SLC2A8: variants seen among roughly 807,000 people sequenced by gnomAD.
SLC2A8 encodes the protein solute carrier family 2 member 8, also known as solute carrier family 2, facilitated glucose transporter member 8.
Under a neutral mutation model 49.2 loss-of-function variants are expected in SLC2A8, and 53 were observed. The ratio of observed to expected loss-of-function variants is 1.08; its 90% CI spans 0.86 to 1.35. SLC2A8 has a LOEUF of 1.35. Among genes scored for constraint, SLC2A8 ranks in the 40% most tolerant of loss-of-function variants. The pLI, the probability that SLC2A8 is intolerant of heterozygous loss-of-function variation, is 0.00. For synonymous variants in SLC2A8, 299 were observed against 297.0 expected (o/e 1.01, Z -0.07); for missense variants, 688 against 671.7 (o/e 1.02, Z -0.27).
At position 127,397,248 on chromosome 9, in the gene SLC2A8, A is replaced by C. The variant is rs966069923; in HGVS notation, c.18A>C (p.Pro6=). The stretch of plus-strand genomic sequence containing the variant: ...CCGCCGACATGACGCCCGAGGACCC[A>C]GAGGAAACCCAGCCGCTTCTGGGGC... MTPED[P]EETQPLLGPP... Residue 6 remains proline, a synonymous_variant, in exon 1 of 10, where the codon CCA becomes CCC. Transcript: ENST00000373371. The C allele has an allele frequency of 1.6e-5, 23 of 1,440,034 alleles. No individual in the cohort carries two copies. The highest frequency in any genetic ancestry group is 4.1e-4 in the Middle Eastern group (2 of 4,886). 89.2% of individuals were successfully genotyped at this position (1,440,034 alleles called of 1,614,324 possible).
Position 127,398,087 on chromosome 9 carries a change from C to A in SLC2A8, c.402C>A (p.Cys134Ter), listed in dbSNP as rs774589638. The A allele has an allele frequency of 1.9e-6, 3 of 1,583,608 alleles. No homozygotes were observed. The South Asian group carries it at 3.4e-5, about 18-fold the overall frequency. Residue 134 changes from cysteine (C) to a stop codon, truncating the protein, a stop_gained, in exon 3 of 10, where the codon TGC becomes TGA. Transcript: ENST00000373371. LOFTEE classifies it high-confidence loss of function. ...LGGRLLTGLACGVASLVAPVY... is the reference protein window; with the variant it reads ...LGGRLLTGLA ...GCCGCCTCCTCACCGGCCTGGCCTGCGGTGTTGCCTCCCTAGTGGCCCCGG... is the reference window on the plus strand; with the variant it reads ...GCCGCCTCCTCACCGGCCTGGCCTGAGGTGTTGCCTCCCTAGTGGCCCCGG...
chr9:127,402,697 C>T lies in SLC2A8; in HGVS notation c.667C>T (p.Arg223Trp), dbSNP rs571624823. Residue 223 changes from arginine to tryptophan, a missense_variant, in exon 5 of 10, where the codon CGG becomes TGG. Transcript: ENST00000373371. ...HRRQEAMAAL[R>W]FLWGSEQGWE... is the part of the protein sequence containing the mutation. ...GCGCCAGGAGGCCATGGCCGCCCTG[C>T]GGTTCCTGTGGGGCTCCGAGCAGGG... The T allele has an allele frequency of 2.1e-5, 33 of 1,565,268 alleles. No individual in the cohort carries two copies. The highest frequency in any genetic ancestry group is 5.9e-5 in the South Asian group (5 of 85,268).
chr9:127,398,193 G>C lies in SLC2A8; in HGVS notation c.426+82G>C. 2.1e-6 allele frequency: 3 copies of C among 1,444,988 alleles called. No homozygotes were observed. The South Asian group carries it at 3.6e-5, about 17-fold the overall frequency. The allele number at this position is 1,444,988 out of a possible 1,614,324, so 89.5% of individuals were successfully genotyped here. On this transcript the variant is annotated intron_variant, in intron 3 of 9. Transcript: ENST00000373371. ...GGACAAACCGCTCCCCAGGCCTGGGGGCGCGGCTCCCCCTGGCGGGACCTT... is the reference window on the plus strand; with the variant it reads ...GGACAAACCGCTCCCCAGGCCTGGGCGCGCGGCTCCCCCTGGCGGGACCTT...
At chr9:127,400,205 G>A (rs913840896) in intron 4 of SLC2A8, among the ~76,000 whole-genome samples, 199 bp downstream of exon 4, 4 of 137,836 alleles carry the variant, frequency 2.9e-5, no homozygotes, top group Non-Finnish European at 4.6e-5. Context: ...CCGCTCTGTC[G>A]CCCAGGCTGG....
Position 127,397,272 on chromosome 9 carries a change from G to C in SLC2A8, c.42G>C (p.Gly14=). 7.1e-7 allele frequency: 1 copy of C among 1,399,778 alleles called. No homozygotes were observed. The highest frequency in any genetic ancestry group is 9.2e-7 in the Non-Finnish European group (1 of 1,087,534). 86.7% of individuals were successfully genotyped at this position (1,399,778 alleles called of 1,614,324 possible). The change falls in exon 1 of 10, where the codon GGG becomes GGC. Residue 14 remains glycine, a synonymous_variant. Transcript: ENST00000373371. ...CAGAGGAAACCCAGCCGCTTCTGGGGCCTCCTGGCGGCAGGTGAGCTCCGG... is the reference window on the plus strand; with the variant it reads ...CAGAGGAAACCCAGCCGCTTCTGGGCCCTCCTGGCGGCAGGTGAGCTCCGG... ...EDPEETQPLL[G]PPGGSAPRGR...
At chr9:127,403,579 C>G in intron 5 of SLC2A8, 81 bp from the exon 6 acceptor site, 1 of 1,571,336 alleles carries the variant, frequency 6.4e-7, no homozygotes, top group Non-Finnish European at 8.7e-7. Context: ...CTCCCCAAGC[C>G]TTAGGACAGT....
At position 127,398,015 on chromosome 9, in the gene SLC2A8, C is replaced by T. The variant is rs757943715; in HGVS notation, c.330C>T (p.Gly110=). ...LLLCSVPFVA[G]FAVITAAQDV... ...TGTGCTCCGTGCCCTTCGTGGCCGG[C>T]TTTGCCGTCATCACCGCGGCCCAGG... The change falls in exon 3 of 10, where the codon GGC becomes GGT. Residue 110 remains glycine, a synonymous_variant. Transcript: ENST00000373371. The T allele has an allele frequency of 1.3e-6, 2 of 1,572,796 alleles. No individual in the cohort carries two copies. Among genetic ancestry groups the T allele is most frequent in the Non-Finnish European group, 1.7e-6 (2 of 1,166,498 alleles).
In SLC2A8 at chr9:127,407,784, T is replaced by A. The variant is rs1397836216; in HGVS notation, c.*535T>A. ...GGTCAGCCAAGCTTACCCTTCACACTGAGAAGTCATTTCTGGCTACTTCCT... is the reference window on the plus strand; with the variant it reads ...GGTCAGCCAAGCTTACCCTTCACACAGAGAAGTCATTTCTGGCTACTTCCT... On this transcript the variant is annotated 3_prime_UTR_variant, in exon 10 of 10. Coordinates refer to ENST00000373371, the MANE Select transcript of SLC2A8 (RefSeq NM_014580.5). The A allele has an allele frequency of 6.2e-6, 1 of 160,032 alleles. No individual in the cohort carries two copies. Among genetic ancestry groups the A allele is most frequent in the African/African-American group, 2.4e-5 (1 of 41,512 alleles). 9.9% of individuals were successfully genotyped at this position (160,032 alleles called of 1,614,324 possible). A position where few individuals can be genotyped will look rare whatever the true frequency, so the allele number is the denominator to read the frequency against.
intron 3 of SLC2A8, among the ~76,000 whole-genome samples, chr9:127,398,652 A>G (rs938937669): frequency 2.0e-5 from 3 of 151,942 alleles, no homozygotes; most frequent in Non-Finnish European, 2.9e-5. Context: ...CCCACTTGGG[A>G]GCCCCGAACA....
At chr9:127,407,087 C>A in intron 9 of SLC2A8, 25 bp from the exon 10 acceptor site, 1 of 1,611,912 alleles carries the variant, frequency 6.2e-7, no homozygotes, top group Non-Finnish European at 8.5e-7. Flanking sequence ...CCCGCGTCCA[C>A]CCATGGCCTT....
intron 9 of SLC2A8, among the ~76,000 whole-genome samples, 170 bp downstream of exon 9, chr9:127,405,735 A>G (rs530988496): frequency 3.3e-5 from 5 of 152,336 alleles, no homozygotes; most frequent in Admixed American, 3.3e-4. Context: ...CAGATGGGCT[A>G]GGCCAGATGG....
At chr9:127,398,740 G>A (rs1379186854) in intron 3 of SLC2A8, among the ~76,000 whole-genome samples, 1 of 152,232 alleles carries the variant, frequency 6.6e-6, no homozygotes, top group Non-Finnish European at 1.5e-5. Flanking sequence ...CTGGAAAACA[G>A]GGATTATGGC....
At position 127,402,600 on chromosome 9, in the gene SLC2A8, G is replaced by T; in HGVS notation, c.570G>T (p.Val190=). ...EWRWLAVLGC[V]PPSLMLLLMC... ...GCTGGCTGGCTGTGCTGGGCTGCGT[G>T]CCCCCCTCCCTCATGCTGCTTCTCA... The change falls in exon 5 of 10, where the codon GTG becomes GTT. Residue 190 remains valine, a synonymous_variant. Transcript: ENST00000373371. 6.3e-7 allele frequency: 1 copy of T among 1,593,340 alleles called. No homozygotes were observed. Among genetic ancestry groups the T allele is most frequent in the Non-Finnish European group, 8.5e-7 (1 of 1,173,002 alleles).
At chr9:127,405,141 C>T (rs1411128398) in intron 8 of SLC2A8, 150 bp downstream of exon 8, 4 of 938,138 alleles carry the variant, frequency 4.3e-6, no homozygotes, top group Non-Finnish European at 6.2e-6. Context: ...CCACATGCAG[C>T]TGTGGAACTA....
chr9:127,404,152 A>T, intron 7 of SLC2A8, 85 bp downstream of exon 7: 1 of 916,362 alleles, frequency 1.1e-6, no homozygotes, highest in South Asian at 1.6e-5. Context: ...GAGGACAGGG[A>T]GCATTTGTGA....
At position 127,405,567 on chromosome 9, in the gene SLC2A8, T is replaced by C; in HGVS notation, c.1296+2T>C. On this transcript the variant is annotated splice_donor_variant, in intron 9 of 9. Coordinates refer to ENST00000373371, the MANE Select transcript of SLC2A8 (RefSeq NM_014580.5). LOFTEE classifies it high-confidence loss of function. ...ACCAAGGAGTTCAGCAGCCTCATGG[T>C]GAGGGCAGGCTCCACCAGCACCGCG... The C allele has an allele frequency of 6.2e-7, 1 of 1,613,010 alleles. No individual in the cohort carries two copies. Among genetic ancestry groups the C allele is most frequent in the Non-Finnish European group, 8.5e-7 (1 of 1,179,960 alleles).
At chr9:127,405,675 G>A in intron 9 of SLC2A8, 110 bp downstream of exon 9, 1 of 1,395,734 alleles carries the variant, frequency 7.2e-7, no homozygotes, top group Admixed American at 2.0e-5. Context: ...TGCAGCCTGA[G>A]CCCCACCATG....
chr9:127,399,812 C>T lies in SLC2A8; in HGVS notation c.427-95C>T, dbSNP rs962237005. 6.0e-6 allele frequency: 6 copies of T among 1,004,228 alleles called. No individual in the cohort carries two copies. The highest frequency in any genetic ancestry group is 9.2e-6 in the Non-Finnish European group (6 of 651,698). 62.2% of individuals were successfully genotyped at this position (1,004,228 alleles called of 1,614,324 possible). ...GTCAGGCCAGTCTCAAACTCCCAAC[C>T]TCTGGTGATCTGCCCGCCTCGGCCT... On this transcript the variant is annotated intron_variant, in intron 3 of 9. Coordinates refer to ENST00000373371, the MANE Select transcript of SLC2A8 (RefSeq NM_014580.5). This position sits in a 1 kb window ranked among gnomAD's most constrained non-coding sequence, Gnocchi z 4.2.
Position 127,404,819 on chromosome 9 carries a change from T to C in SLC2A8, c.978T>C (p.Gly326=), listed in dbSNP as rs780764544. The C allele has an allele frequency of 8.7e-6, 14 of 1,607,822 alleles. No individual in the cohort carries two copies. Among genetic ancestry groups the C allele is most frequent in the Non-Finnish European group, 1.1e-5 (13 of 1,176,050 alleles). The part of the protein sequence containing the change: ...AGRRLLLVLS[G]VVMVFSTSAF... Reference sequence around the variant, plus strand: ...CCACTGCCGCCCTCCCGCCTGCAGGTGTGGTCATGGTGTTCAGCACGAGTG... The same window carrying C: ...CCACTGCCGCCCTCCCGCCTGCAGGCGTGGTCATGGTGTTCAGCACGAGTG... The change falls in exon 8 of 10, where the codon GGT becomes GGC. Residue 326 remains glycine, a splice_region_variant and synonymous_variant. Transcript: ENST00000373371.
Sources: gnomAD v4.1 joint callset for allele counts (sites outside exome capture counted in the v4.1 genomes callset) on GRCh38, gnomAD v4.1.1 for gene constraint, Gnocchi (gnomAD v3.1) non-coding constraint, MANE v1.5 for transcripts, NCBI Gene and HGNC (gene_info 2026-07-23, HGNC 2026-07-21) for gene names.